CHCHD3: variants seen among roughly 807,000 people sequenced by gnomAD.
CHCHD3 encodes the protein MICOS complex subunit MIC19.
Under a neutral mutation model 38.2 loss-of-function variants are expected in CHCHD3, and 20 were observed. The observed-to-expected ratio is 0.52, with a 90% CI of 0.37 to 0.76. CHCHD3 has a LOEUF of 0.76. Among genes scored for constraint, CHCHD3 ranks in the 30% least tolerant of loss-of-function variants. The probability of loss-of-function intolerance (pLI) is 0.00; values close to 1 mark genes in which losing one functional copy is unlikely to be tolerated. For synonymous variants in CHCHD3, 82 were observed against 100.0 expected (o/e 0.82, Z 1.07); for missense variants, 245 against 279.2 (o/e 0.88, Z 0.87).
At chr7:133,009,785 A>C (rs989161468) in intron 3 of CHCHD3, among the ~76,000 whole-genome samples, 1 of 152,232 alleles carries the variant, frequency 6.6e-6, no homozygotes, top group Non-Finnish European at 1.5e-5. Flanking sequence ...CTCATGTAAA[A>C]TGTAAGTGCA....
intron 4 of CHCHD3, among the ~76,000 whole-genome samples, chr7:132,912,834 C>T (rs1021827357): frequency 6.6e-6 from 1 of 152,232 alleles, no homozygotes; most frequent in Non-Finnish European, 1.5e-5. Flanking sequence ...GGATTACAGG[C>T]ATGAGCCACT....
At chr7:132,885,550 G>C (rs1327151286) in intron 5 of CHCHD3, 112 bp downstream of exon 5, 2 of 810,118 alleles carry the variant, frequency 2.5e-6, no homozygotes. Flanking sequence ...TCACTTCCTG[G>C]CCACTTTACA....
At chr7:132,899,436 A>C (rs889257684) in intron 4 of CHCHD3, among the ~76,000 whole-genome samples, 3 of 152,224 alleles carry the variant, frequency 2.0e-5, no homozygotes, top group African/African-American at 7.2e-5. Flanking sequence ...AGGTTCTCTT[A>C]AACATAGAGC....
intron 3 of CHCHD3, among the ~76,000 whole-genome samples, chr7:132,990,085 A>G (rs2117368304): frequency 6.6e-6 from 1 of 152,242 alleles, no homozygotes; most frequent in Non-Finnish European, 1.5e-5. Flanking sequence ...AGGCAGAAGA[A>G]TCTCTTGAAC....
chr7:132,921,362 T>G (rs904965428), intron 4 of CHCHD3, among the ~76,000 whole-genome samples: 4 of 152,178 alleles, frequency 2.6e-5, no homozygotes, highest in Non-Finnish European at 5.9e-5. Context: ...GCTCTGAAAT[T>G]TCATTTAGGA....
chr7:132,867,446 A>C (rs1219270947), intron 5 of CHCHD3, among the ~76,000 whole-genome samples: 1 of 152,224 alleles, frequency 6.6e-6, no homozygotes, highest in Non-Finnish European at 1.5e-5. Flanking sequence ...GATGAGACTA[A>C]GAAATTAGAG....
chr7:133,000,717 G>GTATT (rs1370990153), intron 3 of CHCHD3, among the ~76,000 whole-genome samples: 1 of 152,106 alleles, frequency 6.6e-6, no homozygotes, highest in African/African-American at 2.4e-5. Context: ...TTTTAACCAT[G>GTATT]TATTTTATTT....
At chr7:132,980,632 C>G (rs1811893520) in intron 3 of CHCHD3, among the ~76,000 whole-genome samples, 1 of 152,176 alleles carries the variant, frequency 6.6e-6, no homozygotes, top group South Asian at 2.1e-4. Flanking sequence ...CAAGCCCTAG[C>G]AACTTAGCTC....
intron 4 of CHCHD3, among the ~76,000 whole-genome samples, chr7:132,963,322 A>ATTTTTTTTTT (rs1005146883): frequency 2.3e-5 from 2 of 87,574 alleles, no homozygotes; most frequent in Non-Finnish European, 4.3e-5. Context: ...TAAAATTGTA[A>ATTTTTTTTTT]TTTTTTTTTT....
intron 4 of CHCHD3, among the ~76,000 whole-genome samples, chr7:132,932,688 C>T (rs1043193543): frequency 6.6e-6 from 1 of 152,198 alleles, no homozygotes; most frequent in Non-Finnish European, 1.5e-5. Context: ...AAATCAGGCT[C>T]ATTATTAGCA....
At chr7:132,966,553 G>A (rs1033676734) in intron 4 of CHCHD3, among the ~76,000 whole-genome samples, 3 of 152,098 alleles carry the variant, frequency 2.0e-5, no homozygotes, top group African/African-American at 7.2e-5. Context: ...CATTGCACAT[G>A]GTATATCACA....
intron 6 of CHCHD3, among the ~76,000 whole-genome samples, chr7:132,823,786 A>T (rs911495668): frequency 1.3e-5 from 2 of 152,240 alleles, no homozygotes; most frequent in Non-Finnish European, 2.9e-5. Flanking sequence ...TGTCTCTCAC[A>T]CATTCATTGC....
intron 3 of CHCHD3, among the ~76,000 whole-genome samples, chr7:133,002,059 T>C (rs1475795609): frequency 2.0e-5 from 3 of 152,130 alleles, no homozygotes; most frequent in Non-Finnish European, 4.4e-5. Context: ...AGTTATGTAA[T>C]TTACTAAGTG....
intron 1 of CHCHD3, among the ~76,000 whole-genome samples, chr7:133,078,210 G>C (rs868674166): frequency 1.3e-5 from 2 of 152,196 alleles, no homozygotes; most frequent in Non-Finnish European, 2.9e-5. Flanking sequence ...TCAGGAGGCT[G>C]AAGCAGGAGA....
intron 5 of CHCHD3, among the ~76,000 whole-genome samples, chr7:132,870,153 C>A (rs566971124): frequency 1.3e-5 from 2 of 151,884 alleles, no homozygotes; most frequent in South Asian, 4.2e-4. Flanking sequence ...AAGTTTGAGA[C>A]CAGCTTGGGC....
intron 4 of CHCHD3, among the ~76,000 whole-genome samples, chr7:132,969,693 C>T (rs1811563502): frequency 6.6e-6 from 1 of 152,192 alleles, no homozygotes; most frequent in Admixed American, 6.5e-5. Context: ...TGCTACCATG[C>T]CCTAATTTGG....
chr7:132,970,868 T>TG (rs1209778959), intron 4 of CHCHD3, among the ~76,000 whole-genome samples: 9 of 152,120 alleles, frequency 5.9e-5, no homozygotes. Flanking sequence ...CCCAACACCC[T>TG]GGGAGACCAA....
intron 4 of CHCHD3, among the ~76,000 whole-genome samples, chr7:132,951,178 A>C (rs1203873016): frequency 6.6e-6 from 1 of 152,200 alleles, no homozygotes; most frequent in Non-Finnish European, 1.5e-5. Flanking sequence ...ATATTGTTTT[A>C]AGAACGTGAT....
chr7:132,978,388 A>G (rs1811827556), intron 3 of CHCHD3, among the ~76,000 whole-genome samples: 1 of 152,132 alleles, frequency 6.6e-6, no homozygotes, highest in Non-Finnish European at 1.5e-5. Flanking sequence ...CCCTTTCACA[A>G]GCTGCTTCCT....
Sources: gnomAD v4.1 joint callset for allele counts (sites outside exome capture counted in the v4.1 genomes callset) on GRCh38, gnomAD v4.1.1 for gene constraint, MANE v1.5 for transcripts, NCBI Gene and HGNC (gene_info 2026-07-23, HGNC 2026-07-21) for gene names.